Variants in TMEFF2 observed in about 807,000 individuals in gnomAD.
TMEFF2 encodes transmembrane protein with EGF like and two follistatin like domains 2.
Under a neutral mutation model 53.8 loss-of-function variants are expected in TMEFF2, and 28 were observed. The ratio of observed to expected loss-of-function variants is 0.52; its 90% CI spans 0.39 to 0.71. The LOEUF (loss-of-function observed/expected upper bound fraction) is 0.71, where lower values mean the gene tolerates loss of function less well. Among genes scored for constraint, TMEFF2 ranks in the 30% least tolerant of loss-of-function variants. The probability of loss-of-function intolerance (pLI) is 0.00; values close to 1 mark genes in which losing one functional copy is unlikely to be tolerated. For missense variants in TMEFF2, 353 were observed against 455.2 expected, an observed-to-expected ratio of 0.78 and a Z score of 2.04; for synonymous variants, 162 against 166.3, an observed-to-expected ratio of 0.97 and a Z score of 0.20.
intron 5 of TMEFF2, among the ~76,000 whole-genome samples, chr2:192,051,230 G>GTTTT (rs10666491): frequency 0.33 from 48,565 of 145,440 alleles, 8,766 homozygotes; most frequent in Non-Finnish European, 0.42. Context: ...TTTTTTCTGG[G>GTTTT]TTTTTTTTTT....
At chr2:192,033,749 C>T (rs1574308411) in intron 5 of TMEFF2, among the ~76,000 whole-genome samples, 1 of 152,044 alleles carries the variant, frequency 6.6e-6, no homozygotes, top group African/African-American at 2.4e-5. Flanking sequence ...GTGTGATTAT[C>T]CCACACCTAT....
intron 5 of TMEFF2, among the ~76,000 whole-genome samples, chr2:192,052,854 C>G (rs77442048): frequency 1.3e-5 from 2 of 152,290 alleles, no homozygotes; most frequent in African/African-American, 4.8e-5. Context: ...ATGAAAGATA[C>G]CTCTATTATG....
At chr2:192,022,801 C>T (rs938567016) in intron 5 of TMEFF2, among the ~76,000 whole-genome samples, 11 of 151,968 alleles carry the variant, frequency 7.2e-5, no homozygotes, top group African/African-American at 2.7e-4. Flanking sequence ...AATTGTTTAT[C>T]AATAATAATA....
intron 5 of TMEFF2, among the ~76,000 whole-genome samples, chr2:192,053,291 C>CA (rs35246459): frequency 1.3e-5 from 2 of 152,228 alleles, no homozygotes; most frequent in South Asian, 4.1e-4. Context: ...CTTCTGAACT[C>CA]AAAAACTCAT....
At chr2:192,085,860 C>A (rs1559119939) in intron 4 of TMEFF2, among the ~76,000 whole-genome samples, 2 of 152,122 alleles carry the variant, frequency 1.3e-5, no homozygotes, top group African/African-American at 4.8e-5. Flanking sequence ...ACTAATCATG[C>A]AATTAGTATT....
intron 4 of TMEFF2, among the ~76,000 whole-genome samples, chr2:192,171,620 C>G (rs1034084656): frequency 6.6e-6 from 1 of 152,012 alleles, no homozygotes; most frequent in African/African-American, 2.4e-5. Context: ...CCTTGATGTT[C>G]TTGGAATATC....
At chr2:192,107,804 A>T (rs1689184405) in intron 4 of TMEFF2, among the ~76,000 whole-genome samples, 1 of 151,806 alleles carries the variant, frequency 6.6e-6, no homozygotes, top group Non-Finnish European at 1.5e-5. Context: ...TCCCAATAAA[A>T]TTGACTCAGT....
At chr2:192,169,448 G>C (rs1690853503) in intron 4 of TMEFF2, among the ~76,000 whole-genome samples, 1 of 152,126 alleles carries the variant, frequency 6.6e-6, no homozygotes, top group Non-Finnish European at 1.5e-5. Context: ...TGTGAATGGA[G>C]AGCCAGGAAC....
At chr2:192,102,732 C>T (rs553566582) in intron 4 of TMEFF2, among the ~76,000 whole-genome samples, 14 of 145,898 alleles carry the variant, frequency 9.6e-5, no homozygotes, top group South Asian at 8.6e-4. Context: ...TGAGGTGGCA[C>T]GATAATTTTT....
chr2:192,145,165 C>A (rs934199857), intron 4 of TMEFF2, among the ~76,000 whole-genome samples: 1 of 151,864 alleles, frequency 6.6e-6, no homozygotes, highest in African/African-American at 2.4e-5. Context: ...TTATTAATTA[C>A]TTATTAACTT....
chr2:191,980,842 GCCAGATGAA>G (rs931632797), intron 7 of TMEFF2, among the ~76,000 whole-genome samples: 2 of 152,090 alleles, frequency 1.3e-5, no homozygotes, highest in African/African-American at 2.4e-5. Context: ...CATCTAGGCA[GCCAGATGAA>G]CCAGGAACCT....
chr2:192,004,324 C>G (rs1446382290), intron 5 of TMEFF2, among the ~76,000 whole-genome samples: 1 of 152,188 alleles, frequency 6.6e-6, no homozygotes, highest in Non-Finnish European at 1.5e-5. Flanking sequence ...TTGATGGCAT[C>G]AAAGTCCAAC....
chr2:192,058,357 A>G (rs1176433813), intron 4 of TMEFF2, among the ~76,000 whole-genome samples: 1 of 152,160 alleles, frequency 6.6e-6, no homozygotes, highest in Non-Finnish European at 1.5e-5. Flanking sequence ...CATTTACTGA[A>G]TCTTACATAA....
At chr2:192,123,000 GTTAT>G (rs1367626058) in intron 4 of TMEFF2, among the ~76,000 whole-genome samples, 1 of 152,128 alleles carries the variant, frequency 6.6e-6, no homozygotes, top group Non-Finnish European at 1.5e-5. Flanking sequence ...ATGCAATAAA[GTTAT>G]TTATCTATTT....
At chr2:191,951,824 A>G (rs1431511320) in intron 9 of TMEFF2, among the ~76,000 whole-genome samples, 1 of 152,172 alleles carries the variant, frequency 6.6e-6, no homozygotes, top group Non-Finnish European at 1.5e-5. Context: ...AATACAGTTT[A>G]TGTGCTATGC....
intron 7 of TMEFF2, among the ~76,000 whole-genome samples, chr2:191,978,847 G>A (rs1190284773): frequency 1.3e-5 from 2 of 152,092 alleles, no homozygotes; most frequent in Admixed American, 1.3e-4. Flanking sequence ...TTCTTATGGT[G>A]AATTCCGTAG....
intron 4 of TMEFF2, among the ~76,000 whole-genome samples, chr2:192,115,913 GAA>G (rs1160971880): frequency 6.6e-6 from 1 of 151,892 alleles, no homozygotes; most frequent in East Asian, 1.9e-4. Context: ...AGACATTATG[GAA>G]AAATAGTATG....
intron 5 of TMEFF2, among the ~76,000 whole-genome samples, chr2:192,046,985 A>T (rs1234764879): frequency 1.3e-5 from 2 of 150,744 alleles, no homozygotes; most frequent in Non-Finnish European, 2.9e-5. Flanking sequence ...CAGTGGCGTG[A>T]TCTTGGCTCA....
At chr2:191,981,276 G>A in intron 7 of TMEFF2, among the ~76,000 whole-genome samples, 1 of 151,926 alleles carries the variant, frequency 6.6e-6, no homozygotes, top group Non-Finnish European at 1.5e-5. Context: ...TCATTCCCTG[G>A]GCATTCCCAC....
Sources: allele counts gnomAD v4.1 joint callset (sites outside exome capture counted in the v4.1 genomes callset), GRCh38; gene constraint gnomAD v4.1.1; transcripts MANE v1.5; gene names NCBI Gene and HGNC (gene_info 2026-07-23, HGNC 2026-07-21).